The following SV2C variants were observed in gnomAD, a reference collection of about 807,000 sequenced individuals.
SV2C encodes the protein solute carrier family 22 member B3.
SV2C carries 49 observed loss-of-function variants against 79.7 expected under a neutral mutation model. That is an observed-to-expected ratio of 0.61 (90% CI 0.49 to 0.78). The LOEUF (loss-of-function observed/expected upper bound fraction) is 0.78. Among genes scored for constraint, SV2C ranks in the 30% least tolerant of loss-of-function variants. The probability of loss-of-function intolerance (pLI) is 0.00; values close to 1 mark genes in which losing one functional copy is unlikely to be tolerated. For synonymous variants in SV2C, 334 were observed against 333.2 expected (o/e 1.00, Z -0.03); for missense variants, 833 against 912.9 (o/e 0.91, Z 1.13).
At chr5:75,901,564 G>A in the SV2C span, among the ~76,000 whole-genome samples, 12 of 152,228 alleles carry the variant, frequency 7.9e-5, no homozygotes, top group African/African-American at 2.4e-4. Flanking sequence ...GGGGCAATCT[G>A]CCCCTTCTCA....
chr5:76,041,957 G>A, the SV2C span, among the ~76,000 whole-genome samples: 1 of 152,100 alleles, frequency 6.6e-6, no homozygotes, highest in Non-Finnish European at 1.5e-5. Context: ...CGCTCCCCCT[G>A]CTTTGCCTTC....
At chr5:75,929,865 G>C in the SV2C span, among the ~76,000 whole-genome samples, 3 of 152,060 alleles carry the variant, frequency 2.0e-5, no homozygotes, top group African/African-American at 7.2e-5. Flanking sequence ...GTAAAATATT[G>C]GTTGTATCTT....
intron 12 of SV2C, among the ~76,000 whole-genome samples, chr5:76,352,940 C>CTT (rs556688242): frequency 0.029 from 4,012 of 136,502 alleles, 205 homozygotes; most frequent in African/African-American, 0.099. Context: ...ATTTTTACCT[C>CTT]TTTTTTTTTT....
At chr5:76,126,814 A>C (rs1334868983) in intron 1 of SV2C, among the ~76,000 whole-genome samples, 1 of 152,142 alleles carries the variant, frequency 6.6e-6, no homozygotes, top group Non-Finnish European at 1.5e-5. Flanking sequence ...AACGTGGCAG[A>C]TGTAGTGGGT....
Position 76,209,798 on chromosome 5 carries a change from G to T in SV2C, c.824G>T (p.Arg275Leu). 6.2e-7 allele frequency: 1 copy of T among 1,614,222 alleles called. No homozygotes were observed. The highest frequency in any genetic ancestry group is 8.5e-7 in the Non-Finnish European group (1 of 1,180,048). Reference sequence around the variant, plus strand: ...GCTGAAGTCCTGGCCCGGGAAAAGCGGGGCGAACACTTGAGCTGGCTCTGC... The same window carrying T: ...GCTGAAGTCCTGGCCCGGGAAAAGCTGGGCGAACACTTGAGCTGGCTCTGC... ...YFAEVLAREK[R>L]GEHLSWLCMF... The change falls in exon 4 of 13, where the codon CGG (arginine) becomes CTG (leucine). Residue 275 changes from arginine to leucine, a missense_variant. By Grantham distance (102) the Arg-to-Leu change is moderately radical. Coordinates refer to ENST00000502798, the MANE Select transcript of SV2C (RefSeq NM_014979.4).
At chr5:76,103,429 A>G (rs1003721332) in intron 1 of SV2C, among the ~76,000 whole-genome samples, 1 of 152,166 alleles carries the variant, frequency 6.6e-6, no homozygotes, top group African/African-American at 2.4e-5. Flanking sequence ...TCCCCTCACT[A>G]TGTGTCTTAG....
At chr5:75,919,479 A>C in the SV2C span, among the ~76,000 whole-genome samples, 1 of 152,266 alleles carries the variant, frequency 6.6e-6, no homozygotes, top group Non-Finnish European at 1.5e-5. Flanking sequence ...TAAAAATTTC[A>C]AATAATATTA....
intron 1 of SV2C, among the ~76,000 whole-genome samples, chr5:76,127,694 A>G (rs1408604139): frequency 6.6e-6 from 1 of 152,146 alleles, no homozygotes; most frequent in East Asian, 1.9e-4. Context: ...GATTGCCTTC[A>G]GGCTAGTGGA....
At chr5:76,186,681 G>C (rs964612578) in intron 2 of SV2C, among the ~76,000 whole-genome samples, 1 of 74,578 alleles carries the variant, frequency 1.3e-5, no homozygotes, top group Non-Finnish European at 2.6e-5. Context: ...AACAAAGTGA[G>C]ACCTTATCTC....
chr5:75,952,172 A>G, the SV2C span, among the ~76,000 whole-genome samples: 1 of 151,986 alleles, frequency 6.6e-6, no homozygotes, highest in African/African-American at 2.4e-5. Context: ...AACAACCCTG[A>G]TCAAAAAAAT....
At chr5:75,944,034 A>T in the SV2C span, among the ~76,000 whole-genome samples, 2 of 152,204 alleles carry the variant, frequency 1.3e-5, no homozygotes, top group Non-Finnish European at 2.9e-5. Context: ...CTATTTTTTT[A>T]AGAGACAGGG....
chr5:76,234,357 C>T (rs1218044944), intron 4 of SV2C, among the ~76,000 whole-genome samples: 1 of 152,174 alleles, frequency 6.6e-6, no homozygotes, highest in South Asian at 2.1e-4. Context: ...TTCTAAAGCA[C>T]GATTTATAAA....
Position 76,266,472 on chromosome 5 carries a change from T to C in SV2C, c.914-18690T>C, listed in dbSNP as rs143488177. On this transcript the variant is annotated intron_variant, in intron 4 of 12. Coordinates refer to ENST00000502798, the MANE Select transcript of SV2C (RefSeq NM_014979.4). Reference sequence around the variant, plus strand: ...ATCCACCCACCTCAGCCTCCCAAAGTGCTGGGTTTACAGGCATGAGCCACT... The same window carrying C: ...ATCCACCCACCTCAGCCTCCCAAAGCGCTGGGTTTACAGGCATGAGCCACT... 7.7e-3 allele frequency among the ~76,000 whole-genome samples: 1,180 copies of C among 152,304 alleles called. 15 individuals carry two copies. The highest frequency in any genetic ancestry group is 0.027 in the African/African-American group (1,105 of 41,554).
At chr5:75,959,607 A>G in the SV2C span, among the ~76,000 whole-genome samples, 9 of 152,128 alleles carry the variant, frequency 5.9e-5, no homozygotes, top group East Asian at 1.7e-3. Context: ...AGCAAGTTAT[A>G]CTTCTGCTCA....
the SV2C span, among the ~76,000 whole-genome samples, chr5:76,019,485 G>C: frequency 4.6e-5 from 7 of 152,144 alleles, no homozygotes; most frequent in Admixed American, 2.6e-4. Context: ...GTGAAGAAGA[G>C]GTAATAAACC....
the SV2C span, among the ~76,000 whole-genome samples, chr5:75,948,125 A>G: frequency 6.6e-6 from 1 of 152,012 alleles, no homozygotes. Context: ...ACCTATTTTT[A>G]TCACTTATCA....
the SV2C span, among the ~76,000 whole-genome samples, chr5:76,005,633 C>T: frequency 6.6e-6 from 1 of 152,290 alleles, no homozygotes; most frequent in Non-Finnish European, 1.5e-5. Context: ...GAGTCCCTTC[C>T]TAGATCAATA....
the SV2C span, among the ~76,000 whole-genome samples, chr5:76,059,249 TAAAATA>T: frequency 6.6e-6 from 1 of 152,024 alleles, no homozygotes; most frequent in Non-Finnish European, 1.5e-5. Context: ...TTTCTTAAAA[TAAAATA>T]AAAATAAAGT....
chr5:76,213,048 G>A (rs59787577), intron 4 of SV2C, among the ~76,000 whole-genome samples: 5,821 of 152,210 alleles, frequency 0.038, 354 homozygotes, highest in African/African-American at 0.13. Context: ...ATTAAATGTC[G>A]GAGGCTGACA....
Sources: gnomAD v4.1 joint callset for allele counts (sites outside exome capture counted in the v4.1 genomes callset) on GRCh38, gnomAD v4.1.1 for gene constraint, MANE v1.5 for transcripts, NCBI Gene and HGNC (gene_info 2026-07-23, HGNC 2026-07-21) for gene names.